The following RABEP1 variants were observed in gnomAD, a reference collection of about 807,000 sequenced individuals.
The protein encoded by RABEP1 is rab GTPase-binding effector protein 1.
Under a neutral mutation model 123.4 loss-of-function variants are expected in RABEP1, and 51 were observed. The ratio of observed to expected loss-of-function variants is 0.41; its 90% CI spans 0.33 to 0.52. The LOEUF (loss-of-function observed/expected upper bound fraction) is 0.52. Ranked by LOEUF, RABEP1 falls within the 20% of genes least tolerant of loss-of-function variation. RABEP1 has a pLI of 0.16. For missense variants in RABEP1, 888 were observed against 996.3 expected (o/e 0.89, Z 1.46); for synonymous variants, 347 against 355.2 (o/e 0.98, Z 0.26).
intron 12 of RABEP1, among the ~76,000 whole-genome samples, chr17:5,370,979 G>A (rs1035921507): frequency 7.7e-6 from 1 of 129,402 alleles, no homozygotes; most frequent in African/African-American, 3.0e-5. Context: ...TTTTTTTTTT[G>A]TTTTTGAGAC....
At chr17:5,323,694 C>CTAGGAATATATATATATA (rs1567521952) in intron 2 of RABEP1, among the ~76,000 whole-genome samples, 2,996 of 90,298 alleles carry the variant, frequency 0.033, 617 homozygotes, top group Middle Eastern at 0.064. Flanking sequence ...ATATATATCT[C>CTAGGAATATATATATATA]TCTCTAGGAA....
At chr17:5,305,617 G>C (rs1046657312) in intron 1 of RABEP1, among the ~76,000 whole-genome samples, 1 of 152,070 alleles carries the variant, frequency 6.6e-6, no homozygotes, top group Non-Finnish European at 1.5e-5. Flanking sequence ...AGAACAGAGG[G>C]ATTTTGGTTT....
At chr17:5,337,117 G>A (rs1907166231) in intron 4 of RABEP1, among the ~76,000 whole-genome samples, 1 of 152,136 alleles carries the variant, frequency 6.6e-6, no homozygotes, top group African/African-American at 2.4e-5. Context: ...TATGTAAGTT[G>A]GTTCCTTTTA....
chr17:5,369,909 G>A (rs1357013018), intron 12 of RABEP1, among the ~76,000 whole-genome samples: 3 of 152,000 alleles, frequency 2.0e-5, no homozygotes, highest in South Asian at 2.1e-4. Context: ...CATGTTGGTC[G>A]GGCTGGTCTC....
chr17:5,322,261 G>A (rs954243749), intron 2 of RABEP1, among the ~76,000 whole-genome samples: 11 of 152,176 alleles, frequency 7.2e-5, no homozygotes, highest in African/African-American at 2.7e-4. Context: ...GGGAGGCTGA[G>A]GTGGGAGAAT....
intron 12 of RABEP1, among the ~76,000 whole-genome samples, chr17:5,371,945 C>T (rs566925428): frequency 6.6e-5 from 10 of 152,022 alleles, no homozygotes; most frequent in Non-Finnish European, 7.4e-5. Context: ...CAATAAACAT[C>T]GTATGAGAGC....
chr17:5,378,331 G>A, intron 15 of RABEP1, 99 bp downstream of exon 15: 1 of 1,197,536 alleles, frequency 8.4e-7, no homozygotes, highest in Non-Finnish European at 1.2e-6. Context: ...TTAAGGCATG[G>A]GCCCTGCCTT....
chr17:5,354,599 C>T, intron 8 of RABEP1, 109 bp downstream of exon 8: 1 of 990,012 alleles, frequency 1.0e-6, no homozygotes, highest in Non-Finnish European at 1.4e-6. Context: ...AAGTGCATAG[C>T]TACGAGGTGA....
At chr17:5,319,346 A>C (rs113061798) in intron 2 of RABEP1, among the ~76,000 whole-genome samples, 24,624 of 139,654 alleles carry the variant, frequency 0.18, 2,261 homozygotes, top group African/African-American at 0.23. Context: ...AAAAAACAAA[A>C]AAACAAAAAA....
intron 1 of RABEP1, among the ~76,000 whole-genome samples, chr17:5,301,432 A>G (rs1364088711): frequency 2.0e-5 from 3 of 152,172 alleles, no homozygotes; most frequent in East Asian, 3.9e-4. Context: ...AGACTATGCA[A>G]AGGATTGATA....
intron 4 of RABEP1, among the ~76,000 whole-genome samples, chr17:5,336,291 A>T (rs984409656): frequency 3.9e-5 from 6 of 152,156 alleles, no homozygotes; most frequent in African/African-American, 1.2e-4. Flanking sequence ...GTTTTTGATT[A>T]TCTGAAAAAT....
At chr17:5,362,503 C>T (rs1347265376) in intron 9 of RABEP1, among the ~76,000 whole-genome samples, 1 of 152,208 alleles carries the variant, frequency 6.6e-6, no homozygotes, top group African/African-American at 2.4e-5. Flanking sequence ...TCTTATGTAA[C>T]ACATACGTGA....
At chr17:5,283,728 A>T (rs1228191403) in intron 1 of RABEP1, among the ~76,000 whole-genome samples, 1 of 152,022 alleles carries the variant, frequency 6.6e-6, no homozygotes, top group Non-Finnish European at 1.5e-5. Context: ...GGAACTTGAA[A>T]CCATGTTATC....
chr17:5,312,185 C>T (rs779395840), intron 2 of RABEP1, among the ~76,000 whole-genome samples: 2 of 152,226 alleles, frequency 1.3e-5, no homozygotes, highest in East Asian at 3.9e-4. Context: ...CTCACTTTTT[C>T]GCTCAGGCTG....
At chr17:5,304,043 A>T (rs1051240284) in intron 1 of RABEP1, among the ~76,000 whole-genome samples, 43 of 140,928 alleles carry the variant, frequency 3.1e-4, no homozygotes, top group Middle Eastern at 3.6e-3. Flanking sequence ...TCAAAAAAAA[A>T]AAATAAATAA....
At chr17:5,342,561 G>A (rs1019553233) in intron 5 of RABEP1, among the ~76,000 whole-genome samples, 3 of 152,146 alleles carry the variant, frequency 2.0e-5, no homozygotes, top group Admixed American at 6.5e-5. Context: ...AGCTGAGGTC[G>A]TGCCACTGCA....
At chr17:5,367,421 G>C (rs186142639) in intron 11 of RABEP1, among the ~76,000 whole-genome samples, 15 of 150,464 alleles carry the variant, frequency 1.0e-4, no homozygotes, top group African/African-American at 2.9e-4. Context: ...ACAGGCACCC[G>C]CCACCACGCC....
chr17:5,318,945 T>C (rs2075324819), intron 2 of RABEP1, among the ~76,000 whole-genome samples: 1 of 152,228 alleles, frequency 6.6e-6, no homozygotes, highest in Non-Finnish European at 1.5e-5. Context: ...GTGATGGATA[T>C]GTTAATTGCA....
At chr17:5,286,314 T>G (rs548416692) in intron 1 of RABEP1, among the ~76,000 whole-genome samples, 3 of 152,214 alleles carry the variant, frequency 2.0e-5, no homozygotes, top group African/African-American at 7.2e-5. Flanking sequence ...GCCAATATGG[T>G]GAAACCCCAT....
Sources: gnomAD v4.1 joint callset for allele counts (sites outside exome capture counted in the v4.1 genomes callset) on GRCh38, gnomAD v4.1.1 for gene constraint, MANE v1.5 for transcripts, NCBI Gene and HGNC (gene_info 2026-07-23, HGNC 2026-07-21) for gene names.